Variants in LRRC53 observed in about 807,000 individuals in gnomAD.
The protein encoded by LRRC53 is leucine-rich repeat-containing protein 53.
In LRRC53, 25 loss-of-function variants were observed where a neutral mutation model predicts 13.6. That is an observed-to-expected ratio of 1.83 (90% CI 1.34 to 2.56). The LOEUF (loss-of-function observed/expected upper bound fraction) is 2.56. Ranked by LOEUF, LRRC53 falls within the 30% of genes most tolerant of loss-of-function variation. The pLI, the probability that LRRC53 is intolerant of heterozygous loss-of-function variation, is 0.00. For synonymous variants in LRRC53, 204 were observed against 109.8 expected, an observed-to-expected ratio of 1.86 and a Z score of -5.37; for missense variants, 527 against 275.8, an observed-to-expected ratio of 1.91 and a Z score of -6.45.
chr1:74,507,816 T>C (rs1669982497), intron 1 of LRRC53, among the ~76,000 whole-genome samples: 1 of 152,220 alleles, frequency 6.6e-6, no homozygotes, highest in Admixed American at 6.5e-5. Flanking sequence ...CTTAGGAACT[T>C]AAGTACCTTT....
chr1:74,529,907 G>A, the LRRC53 span, among the ~76,000 whole-genome samples: 1,238 of 152,254 alleles, frequency 8.1e-3, 28 homozygotes, highest in African/African-American at 0.029. Context: ...TGCTTAGGGA[G>A]AGTGTCCTTA....
the LRRC53 span, among the ~76,000 whole-genome samples, chr1:74,528,487 T>G: frequency 6.6e-6 from 1 of 152,102 alleles, no homozygotes; most frequent in Non-Finnish European, 1.5e-5. Context: ...TATTTGTGTG[T>G]GTGTTGGAGT....
the LRRC53 span, among the ~76,000 whole-genome samples, chr1:74,521,594 C>A: frequency 9.9e-5 from 15 of 151,868 alleles, no homozygotes; most frequent in Non-Finnish European, 1.8e-4. Context: ...CCTTTTTCTG[C>A]GTTCCTTTAT....
chr1:74,476,217 A>G (rs910618419), intron 3 of LRRC53, among the ~76,000 whole-genome samples: 1 of 152,078 alleles, frequency 6.6e-6, no homozygotes, highest in African/African-American at 2.4e-5. Context: ...TTCATGTTCT[A>G]TGTAGTTTGT....
At chr1:74,501,155 A>T (rs1206983342) in intron 1 of LRRC53, among the ~76,000 whole-genome samples, 1 of 152,164 alleles carries the variant, frequency 6.6e-6, no homozygotes, top group Non-Finnish European at 1.5e-5. Context: ...CTTTTTAAAA[A>T]ATATTTCCCA....
chr1:74,533,613 A>G, the LRRC53 span, among the ~76,000 whole-genome samples: 19 of 151,990 alleles, frequency 1.3e-4, no homozygotes, highest in Non-Finnish European at 2.1e-4. Flanking sequence ...ACATGCACAC[A>G]TATGTTTATT....
the LRRC53 span, among the ~76,000 whole-genome samples, chr1:74,528,194 A>C: frequency 6.6e-6 from 1 of 152,200 alleles, no homozygotes; most frequent in Admixed American, 6.5e-5. Flanking sequence ...GGACATGGGC[A>C]CAGGAAAGTG....
At chr1:74,495,224 G>A (rs947673855) in intron 1 of LRRC53, among the ~76,000 whole-genome samples, 6 of 152,324 alleles carry the variant, frequency 3.9e-5, no homozygotes, top group South Asian at 2.1e-4. Context: ...TGCTGTGAGC[G>A]TGCATTCAAG....
the LRRC53 span, among the ~76,000 whole-genome samples, chr1:74,533,632 A>G: frequency 6.6e-6 from 1 of 152,092 alleles, no homozygotes; most frequent in South Asian, 2.1e-4. Context: ...TTGTGGCACT[A>G]TTCACAATAG....
chr1:74,517,362 T>C (rs1054668962), upstream of LRRC53, among the ~76,000 whole-genome samples: 2 of 152,186 alleles, frequency 1.3e-5, no homozygotes, highest in Non-Finnish European at 2.9e-5. Flanking sequence ...AGGAACTTAA[T>C]TAGTATCAAA....
In LRRC53 at chr1:74,471,206, C is replaced by T. The variant is rs980160482; in HGVS notation, c.2416G>A (p.Ala806Thr). 3 of 400,546 alleles carry T rather than the reference C, an allele frequency of 7.5e-6. No homozygotes were observed. The highest frequency in any genetic ancestry group is 2.1e-5 in the African/African-American group (1 of 48,656). The allele number at this position is 400,546 out of a possible 1,614,324, so 24.8% of individuals were successfully genotyped here. A position where few individuals can be genotyped will look rare whatever the true frequency, so the allele number is the denominator to read the frequency against. The change falls in exon 5 of 5, where the codon GCC (alanine) becomes ACC (threonine). Residue 806 changes from alanine to threonine, a missense_variant. By Grantham distance (58) the Ala-to-Thr change is moderately conservative. Transcript: ENST00000294635. ...AAGTTGTTAGCACTGAGCAGGGGGG[C>T]ACGTTTAGTGTTTCGTTGATAATAT... ...TPYYQRNTKR[A>T]PLLSANNLRV...
At chr1:74,524,198 T>A in the LRRC53 span, among the ~76,000 whole-genome samples, 1,943 of 152,356 alleles carry the variant, frequency 0.013, 36 homozygotes, top group African/African-American at 0.043. Context: ...AGTAACCATG[T>A]AGCAATTACC....
At chr1:74,514,524 A>G (rs1006344715), upstream of LRRC53, among the ~76,000 whole-genome samples, 4 of 152,232 alleles carry the variant, frequency 2.6e-5, no homozygotes, top group African/African-American at 9.6e-5. Flanking sequence ...AGAACCTACT[A>G]TGTACTAGTA....
At chr1:74,472,963 C>T (rs1254635121) in intron 4 of LRRC53, among the ~76,000 whole-genome samples, 1 of 152,038 alleles carries the variant, frequency 6.6e-6, no homozygotes, top group African/African-American at 2.4e-5. Flanking sequence ...ATGAACCATT[C>T]AGAAAGGAAG....
chr1:74,533,472 A>C, the LRRC53 span, among the ~76,000 whole-genome samples: 2 of 152,144 alleles, frequency 1.3e-5, no homozygotes, highest in Non-Finnish European at 2.9e-5. Context: ...TGGGACTGTA[A>C]ACTAGTTCAA....
At chr1:74,520,908 G>A in the LRRC53 span, among the ~76,000 whole-genome samples, 1 of 152,130 alleles carries the variant, frequency 6.6e-6, no homozygotes, top group African/African-American at 2.4e-5. Flanking sequence ...GCTTTAATTT[G>A]CACAGTTGTG....
At chr1:74,527,055 T>C in the LRRC53 span, among the ~76,000 whole-genome samples, 1 of 152,186 alleles carries the variant, frequency 6.6e-6, no homozygotes, top group East Asian at 1.9e-4. Context: ...TCTAAAAGCA[T>C]AAAAATCTAT....
At chr1:74,504,053 G>T (rs1557612464) in intron 1 of LRRC53, among the ~76,000 whole-genome samples, 7 of 152,144 alleles carry the variant, frequency 4.6e-5, no homozygotes, top group Admixed American at 3.9e-4. Flanking sequence ...CCTCTTCACC[G>T]CATCCCTAGG....
In LRRC53 at chr1:74,470,449, C is replaced by G; in HGVS notation, c.3173G>C (p.Gly1058Ala). ...GGGCAATGCATTTGTGCTGTCAATT[C>G]CTTTTTCGCTACTATTGGTTAGGTG... ...VWHLTNSSEK[G>A]IDSTNALPRN... Residue 1058 changes from glycine to alanine, a missense_variant, in exon 5 of 5, where the codon GGA (glycine) becomes GCA (alanine). Transcript: ENST00000294635. The G allele has an allele frequency of 2.5e-6, 1 of 400,634 alleles. No individual in the cohort carries two copies. The highest frequency in any genetic ancestry group is 4.4e-6 in the Non-Finnish European group (1 of 226,184). 24.8% of individuals were successfully genotyped at this position (400,634 alleles called of 1,614,324 possible).
Sources: gnomAD v4.1 joint callset for allele counts (sites outside exome capture counted in the v4.1 genomes callset) on GRCh38, gnomAD v4.1.1 for gene constraint, MANE v1.5 for transcripts, NCBI Gene and HGNC (gene_info 2026-07-23, HGNC 2026-07-21) for gene names.